The following MCC variants were observed in gnomAD, a reference collection of about 807,000 sequenced individuals.
The protein encoded by MCC is MCC regulator of Wnt signaling pathway.
A neutral mutation model predicts 116.2 loss-of-function variants in MCC; 90 were observed. The observed-to-expected ratio is 0.77, with a 90% CI of 0.65 to 0.92. The LOEUF (loss-of-function observed/expected upper bound fraction) is 0.92, where lower values mean the gene tolerates loss of function less well. MCC is among the 40% of genes least tolerant of loss of function. MCC has a pLI of 0.00. For synonymous variants in MCC, 578 were observed against 510.5 expected, an observed-to-expected ratio of 1.13 and a Z score of -1.78; for missense variants, 1,516 against 1,312.2, an observed-to-expected ratio of 1.16 and a Z score of -2.40.
At chr5:113,273,524 A>T (rs920850993) in intron 3 of MCC, among the ~76,000 whole-genome samples, 4 of 152,206 alleles carry the variant, frequency 2.6e-5, no homozygotes, top group African/African-American at 9.7e-5. Context: ...ATAAAGTAGC[A>T]GACACTCCCA....
chr5:113,096,365 G>A (rs1756017849), intron 8 of MCC, among the ~76,000 whole-genome samples: 1 of 152,160 alleles, frequency 6.6e-6, no homozygotes, highest in Non-Finnish European at 1.5e-5. Context: ...CCCATTTACT[G>A]ACTCTGGCTC....
chr5:113,138,899 G>C (rs1328330726), intron 5 of MCC, among the ~76,000 whole-genome samples: 1 of 152,124 alleles, frequency 6.6e-6, no homozygotes, highest in African/African-American at 2.4e-5. Context: ...TCATCCAGGG[G>C]ACTCTGGTTC....
intron 3 of MCC, among the ~76,000 whole-genome samples, chr5:113,154,400 C>G (rs370402302): frequency 6.6e-6 from 1 of 152,330 alleles, no homozygotes; most frequent in East Asian, 1.9e-4. Context: ...AAGCCACCAA[C>G]CAGCCATAAG....
chr5:113,474,697 C>A (rs1772190481), intron 1 of MCC, among the ~76,000 whole-genome samples: 1 of 152,118 alleles, frequency 6.6e-6, no homozygotes, highest in Non-Finnish European at 1.5e-5. Flanking sequence ...GGATAATAAT[C>A]CTGGTTAGAG....
chr5:113,111,698 T>C (rs1757108920), intron 6 of MCC, among the ~76,000 whole-genome samples: 1 of 152,218 alleles, frequency 6.6e-6, no homozygotes, highest in Non-Finnish European at 1.5e-5. Flanking sequence ...ACCATAAAAC[T>C]GGTATCGTTA....
chr5:113,443,384 A>T (rs1047663687), intron 1 of MCC, among the ~76,000 whole-genome samples: 1 of 152,190 alleles, frequency 6.6e-6, no homozygotes, highest in Non-Finnish European at 1.5e-5. Flanking sequence ...TATCAGCTTA[A>T]GGAGATTTTG....
chr5:113,098,949 CT>C (rs1561808263), intron 8 of MCC, among the ~76,000 whole-genome samples: 1 of 152,300 alleles, frequency 6.6e-6, no homozygotes, highest in Non-Finnish European at 1.5e-5. Flanking sequence ...CTCAGTCACT[CT>C]GCAGAGCTAC....
intron 3 of MCC, among the ~76,000 whole-genome samples, chr5:113,278,187 C>T (rs1031886945): frequency 2.0e-5 from 3 of 152,158 alleles, no homozygotes; most frequent in Non-Finnish European, 4.4e-5. Flanking sequence ...GAAACCTGGC[C>T]CTGCCATCTA....
At chr5:113,276,474 C>G (rs536013363) in intron 3 of MCC, among the ~76,000 whole-genome samples, 1 of 152,278 alleles carries the variant, frequency 6.6e-6, no homozygotes, top group African/African-American at 2.4e-5. Context: ...TCTCCTCCCC[C>G]ACTTTCCTTC....
intron 1 of MCC, among the ~76,000 whole-genome samples, chr5:113,407,584 G>A (rs952407473): frequency 2.0e-5 from 3 of 152,082 alleles, no homozygotes; most frequent in Non-Finnish European, 2.9e-5. Context: ...AATAATTTTA[G>A]ACTTGCAAGT....
chr5:113,449,168 A>C (rs189737379), intron 1 of MCC, among the ~76,000 whole-genome samples: 5 of 152,206 alleles, frequency 3.3e-5, no homozygotes, highest in Non-Finnish European at 7.3e-5. Context: ...GGGTCAGAGA[A>C]GATCCTTACT....
intron 3 of MCC, among the ~76,000 whole-genome samples, chr5:113,257,965 A>T (rs1765082954): frequency 6.6e-6 from 1 of 152,196 alleles, no homozygotes; most frequent in Non-Finnish European, 1.5e-5. Context: ...TGACAAGCTG[A>T]GGAAGCCACA....
intron 3 of MCC, among the ~76,000 whole-genome samples, chr5:113,253,514 T>A (rs958388452): frequency 2.0e-5 from 3 of 152,100 alleles, no homozygotes; most frequent in East Asian, 3.9e-4. Flanking sequence ...TGACATACTA[T>A]GCCCTCAATT....
chr5:113,336,289 C>T (rs898782180), intron 3 of MCC, among the ~76,000 whole-genome samples: 14 of 151,716 alleles, frequency 9.2e-5, no homozygotes, highest in Admixed American at 7.9e-4. Flanking sequence ...AGGCACTATG[C>T]ACCTTGTCCA....
At chr5:113,188,587 T>C (rs527873234) in intron 3 of MCC, among the ~76,000 whole-genome samples, 2 of 152,308 alleles carry the variant, frequency 1.3e-5, no homozygotes, top group South Asian at 2.1e-4. Context: ...AAAATCATGG[T>C]TGAGGGCACA....
chr5:113,440,930 T>C (rs1771018594), intron 1 of MCC, among the ~76,000 whole-genome samples: 1 of 152,264 alleles, frequency 6.6e-6, no homozygotes, highest in South Asian at 2.1e-4. Context: ...TTAATGTGTA[T>C]GTGTTCATAG....
In MCC at chr5:113,231,090, G is replaced by A. The variant is rs114112362; in HGVS notation, c.628-79668C>T. ...TCTCCAAAACTCTAATTCCAGAAAC[G>A]TTTCCTAAGGGGGAAAAAAAATCTC... On this transcript the variant is annotated intron_variant, in intron 3 of 18. Coordinates refer to ENST00000408903, the MANE Select transcript of MCC (RefSeq NM_001085377.2). Among the ~76,000 whole-genome samples the A allele has an allele frequency of 5.6e-3, 853 of 152,190 alleles. 10 individuals are homozygous for A. Among genetic ancestry groups the A allele is most frequent in the Middle Eastern group, 0.017 (5 of 294 alleles).
chr5:113,330,161 G>A (rs1767664632), intron 3 of MCC, among the ~76,000 whole-genome samples: 1 of 152,204 alleles, frequency 6.6e-6, no homozygotes, highest in African/African-American at 2.4e-5. Context: ...ATGCCAAGCT[G>A]TAATCAATCA....
rs1286026401 is a variant in MCC, at chr5:113,434,653, T to C, written c.171-49441A>G. On this transcript the variant is annotated intron_variant, in intron 1 of 18. Transcript: ENST00000408903. This position sits in a 1 kb window ranked among gnomAD's most constrained non-coding sequence, Gnocchi z 4.2. ...GAGCAGTGGTTTAACATGGCCAGAA[T>C]CTCAATTTCCCGGGGAAGGAATTTC... 2 of 1,613,884 alleles carry C rather than the reference T, an allele frequency of 1.2e-6. No individual in the cohort carries two copies. The highest frequency in any genetic ancestry group is 8.5e-7 in the Non-Finnish European group (1 of 1,179,880).
Sources: gnomAD v4.1 joint callset for allele counts (sites outside exome capture counted in the v4.1 genomes callset) on GRCh38, gnomAD v4.1.1 for gene constraint, Gnocchi (gnomAD v3.1) non-coding constraint, MANE v1.5 for transcripts, NCBI Gene and HGNC (gene_info 2026-07-23, HGNC 2026-07-21) for gene names.